Variants in CSGALNACT1 observed in about 807,000 individuals in gnomAD.
CSGALNACT1 encodes beta4GalNAcT-1.
CSGALNACT1 carries 52 observed loss-of-function variants against 51.0 expected under a neutral mutation model. The ratio of observed to expected loss-of-function variants is 1.02; its 90% CI spans 0.82 to 1.29. The LOEUF is 1.29. Ranked by LOEUF, CSGALNACT1 falls within the 50% of genes most tolerant of loss-of-function variation. The pLI, the probability that CSGALNACT1 is intolerant of heterozygous loss-of-function variation, is 0.00. For missense variants in CSGALNACT1, 935 were observed against 679.2 expected, an observed-to-expected ratio of 1.38 and a Z score of -4.19; for synonymous variants, 341 against 254.4, an observed-to-expected ratio of 1.34 and a Z score of -3.24.
chr8:19,654,364 C>T (rs1200282638), intron 1 of CSGALNACT1, among the ~76,000 whole-genome samples: 1 of 152,138 alleles, frequency 6.6e-6, no homozygotes, highest in Non-Finnish European at 1.5e-5. Context: ...CTGCCCAAAT[C>T]CTACCATTAA....
chr8:19,636,887 A>G (rs1248932562), intron 1 of CSGALNACT1, among the ~76,000 whole-genome samples: 4 of 152,034 alleles, frequency 2.6e-5, no homozygotes, highest in Admixed American at 6.6e-5. Flanking sequence ...TACATCATCT[A>G]TTTTCATTAA....
intron 1 of CSGALNACT1, among the ~76,000 whole-genome samples, chr8:19,689,312 T>C (rs916614063): frequency 3.9e-5 from 6 of 152,100 alleles, no homozygotes; most frequent in African/African-American, 1.2e-4. Context: ...AGAGGGCCAT[T>C]TGGAGAGGAA....
intron 3 of CSGALNACT1, among the ~76,000 whole-genome samples, chr8:19,539,357 T>A (rs2084535245): frequency 6.6e-6 from 1 of 152,186 alleles, no homozygotes; most frequent in Admixed American, 6.5e-5. Context: ...ATTAATCTTA[T>A]TAATGTTCTT....
At chr8:19,688,634 T>G (rs1483685479) in intron 1 of CSGALNACT1, 2 of 152,192 alleles carry the variant, frequency 1.3e-5, no homozygotes, top group South Asian at 4.1e-4. Flanking sequence ...CTCTCATCTT[T>G]ATTTTAAAAA....
At chr8:19,653,379 C>T (rs985975005) in intron 1 of CSGALNACT1, among the ~76,000 whole-genome samples, 1 of 152,192 alleles carries the variant, frequency 6.6e-6, no homozygotes, top group Non-Finnish European at 1.5e-5. Flanking sequence ...GGACACTGGT[C>T]CCATTGTCCC....
chr8:19,650,301 T>C (rs1010503374), intron 1 of CSGALNACT1, among the ~76,000 whole-genome samples: 15 of 152,092 alleles, frequency 9.9e-5, no homozygotes, highest in African/African-American at 3.6e-4. Context: ...GACAAAGAAA[T>C]AGATTTAGAT....
At chr8:19,551,426 A>C (rs1419301826) in intron 3 of CSGALNACT1, among the ~76,000 whole-genome samples, 1 of 152,184 alleles carries the variant, frequency 6.6e-6, no homozygotes, top group Non-Finnish European at 1.5e-5. Flanking sequence ...GCAGACCCGA[A>C]ACTCCACTTG....
chr8:19,525,431 C>T (rs564331730), intron 3 of CSGALNACT1, among the ~76,000 whole-genome samples: 1 of 151,148 alleles, frequency 6.6e-6, no homozygotes, highest in South Asian at 2.1e-4. Flanking sequence ...TGGTGAAGCC[C>T]CACCTCTACT....
At chr8:19,551,004 A>T (rs1443198777) in intron 3 of CSGALNACT1, among the ~76,000 whole-genome samples, 1 of 152,190 alleles carries the variant, frequency 6.6e-6, no homozygotes, top group Non-Finnish European at 1.5e-5. Context: ...ACTTCCCAGC[A>T]ATCACCAGTT....
chr8:19,631,727 G>T (rs2055286742), intron 1 of CSGALNACT1, among the ~76,000 whole-genome samples: 2 of 152,172 alleles, frequency 1.3e-5, no homozygotes, highest in African/African-American at 2.4e-5. Flanking sequence ...AATAAAAATT[G>T]TATTCTGTTG....
chr8:19,604,179 A>G (rs781624686), upstream of CSGALNACT1, among the ~76,000 whole-genome samples: 3 of 152,190 alleles, frequency 2.0e-5, no homozygotes, highest in Non-Finnish European at 4.4e-5. Flanking sequence ...AGGCAAACCC[A>G]CTGCCAAGAC....
At chr8:19,570,765 T>A (rs1423127510) in intron 3 of CSGALNACT1, among the ~76,000 whole-genome samples, 2 of 152,144 alleles carry the variant, frequency 1.3e-5, no homozygotes, top group Non-Finnish European at 2.9e-5. Context: ...CCAAGTGTGG[T>A]GGCAGGTGCC....
intron 1 of CSGALNACT1, among the ~76,000 whole-genome samples, chr8:19,745,511 G>C (rs1331554879): frequency 2.0e-5 from 3 of 152,194 alleles, no homozygotes; most frequent in African/African-American, 7.2e-5. Context: ...GAAGATCATA[G>C]ATTTGAAGTA....
intron 3 of CSGALNACT1, among the ~76,000 whole-genome samples, chr8:19,587,031 T>A (rs2046814218): frequency 6.6e-6 from 1 of 152,218 alleles, no homozygotes; most frequent in South Asian, 2.1e-4. Context: ...AAGGTCAGTA[T>A]GGTGCAAACA....
chr8:19,510,766 T>C lies in CSGALNACT1; in HGVS notation c.-296-4636A>G, dbSNP rs527468248. On this transcript the variant is annotated intron_variant, in intron 3 of 9. Transcript: ENST00000454498. Reference sequence around the variant, plus strand: ...CGACAGAAGTTTAAGATAAATGTTATGTGTCATCAATATTTGTCAAGATAA... The same window carrying C: ...CGACAGAAGTTTAAGATAAATGTTACGTGTCATCAATATTTGTCAAGATAA... 4.6e-5 allele frequency among the ~76,000 whole-genome samples: 7 copies of C among 152,366 alleles called. No individual in the cohort carries two copies. The South Asian group carries it at 1.4e-3, about 32-fold the overall frequency.
intron 1 of CSGALNACT1, among the ~76,000 whole-genome samples, chr8:19,756,866 G>A (rs1487722091): frequency 1.3e-5 from 2 of 152,070 alleles, no homozygotes; most frequent in East Asian, 3.9e-4. Flanking sequence ...CGCTGGTGAA[G>A]CCAAACCGAC....
intron 1 of CSGALNACT1, among the ~76,000 whole-genome samples, chr8:19,722,213 G>T (rs1015684467): frequency 6.6e-6 from 1 of 152,050 alleles, no homozygotes; most frequent in Admixed American, 6.6e-5. Flanking sequence ...GCTTGAGACC[G>T]CCCTGCCTCT....
chr8:19,708,396 C>A (rs1050580955), intron 1 of CSGALNACT1, among the ~76,000 whole-genome samples: 1 of 152,116 alleles, frequency 6.6e-6, no homozygotes, highest in Non-Finnish European at 1.5e-5. Context: ...ACAGCTACCC[C>A]AGATTTTAGG....
intron 1 of CSGALNACT1, among the ~76,000 whole-genome samples, chr8:19,655,535 T>C (rs1185661252): frequency 2.6e-5 from 1 of 39,140 alleles, no homozygotes; most frequent in Non-Finnish European, 5.0e-5. Context: ...AATTTTTACA[T>C]ATACATCTAT....
Sources: gnomAD v4.1 joint callset for allele counts (sites outside exome capture counted in the v4.1 genomes callset) on GRCh38, gnomAD v4.1.1 for gene constraint, MANE v1.5 for transcripts, NCBI Gene and HGNC (gene_info 2026-07-23, HGNC 2026-07-21) for gene names.